The following SPAG1 variants were observed in gnomAD, a reference collection of about 807,000 sequenced individuals.
The protein encoded by SPAG1 is sperm-associated antigen 1.
In SPAG1, 69 loss-of-function variants were observed where a neutral mutation model predicts 100.5. The ratio of observed to expected loss-of-function variants is 0.69; its 90% confidence interval spans 0.57 to 0.84. SPAG1 has a LOEUF of 0.84. Among genes scored for constraint, SPAG1 ranks in the 40% least tolerant of loss-of-function variants. SPAG1 has a pLI of 0.00. For synonymous variants in SPAG1, 336 were observed against 411.6 expected (o/e 0.82, Z 2.22); for missense variants, 955 against 1,133.1 (o/e 0.84, Z 2.26).
chr8:100,174,361 T>C (rs1816011391), intron 3 of SPAG1, among the ~76,000 whole-genome samples: 1 of 152,170 alleles, frequency 6.6e-6, no homozygotes, highest in Non-Finnish European at 1.5e-5. Flanking sequence ...ATAAAGGTCT[T>C]TATCCTCGTC....
chr8:100,183,359 G>T lies in SPAG1; in HGVS notation c.427-16G>T, dbSNP rs28673878. Reference sequence around the variant, plus strand: ...ATATTAAATATGTCTCATAAAATATGATTTTATTCTTTTAGGAAAAATATT... The same window carrying T: ...ATATTAAATATGTCTCATAAAATATTATTTTATTCTTTTAGGAAAAATATT... On this transcript the variant is annotated splice_polypyrimidine_tract_variant and intron_variant, in intron 4 of 18. Coordinates refer to ENST00000388798, the MANE Select transcript of SPAG1 (RefSeq NM_003114.5). 7.2e-3 allele frequency: 7,935 copies of T among 1,101,794 alleles called. 418 individuals are homozygous for T. The African/African-American group carries it at 0.11, about 16-fold the overall frequency. The allele number at this position is 1,101,794 out of a possible 1,614,324, so 68.3% of individuals were successfully genotyped here.
chr8:100,201,168 T>C (rs1167093379), intron 10 of SPAG1, among the ~76,000 whole-genome samples: 1 of 152,070 alleles, frequency 6.6e-6, no homozygotes, highest in Non-Finnish European at 1.5e-5. Context: ...CAGACTGAAA[T>C]GCAGAGTGGC....
chr8:100,201,672 A>T (rs551928259), intron 10 of SPAG1, among the ~76,000 whole-genome samples: 4 of 152,022 alleles, frequency 2.6e-5, no homozygotes, highest in Admixed American at 2.0e-4. Flanking sequence ...ATCTCTCCAG[A>T]TCTCCTTTCA....
At chr8:100,177,964 T>C (rs1396251548) in intron 4 of SPAG1, 23 bp downstream of exon 4, 1 of 1,603,752 alleles carries the variant, frequency 6.2e-7, no homozygotes, top group South Asian at 1.1e-5. Flanking sequence ...GATATCTTTG[T>C]GGGTGGTAGC....
rs777999923 is a variant in SPAG1 at position 100,239,209 on chromosome 8, A to T, written c.2116-31A>T. On this transcript the variant is annotated intron_variant, in intron 16 of 18. Coordinates refer to ENST00000388798, the MANE Select transcript of SPAG1 (RefSeq NM_003114.5). The surrounding 1 kb of genome is among the most constrained non-coding windows in gnomAD (Gnocchi z 5.0). The stretch of plus-strand genomic sequence containing the variant: ...TTACTCTAGGCTCCTTCTATTTATG[A>T]AAGTTATTTTCTCTGTCTTCCTACT... 1.9e-5 allele frequency: 27 copies of T among 1,412,942 alleles called. No homozygotes were observed. The highest frequency in any genetic ancestry group is 9.5e-7 in the Non-Finnish European group (1 of 1,050,764). The allele number at this position is 1,412,942 out of a possible 1,614,324, so 87.5% of individuals were successfully genotyped here. A position where few individuals can be genotyped will look rare whatever the true frequency, so the allele number is the denominator to read the frequency against.
intron 14 of SPAG1, among the ~76,000 whole-genome samples, chr8:100,230,490 T>C (rs1360753006): frequency 6.6e-6 from 1 of 152,236 alleles, no homozygotes; most frequent in Non-Finnish European, 1.5e-5. Flanking sequence ...TATAGTCACC[T>C]GAGCCCTGTT....
In SPAG1 at chr8:100,213,391, C is replaced by CAA; in HGVS notation, c.1399_1400dup (p.Tyr468SerfsTer20). 1.4e-6 allele frequency: 2 copies of CAA among 1,450,170 alleles called. No individual in the cohort carries two copies. Among genetic ancestry groups the CAA allele is most frequent in the Non-Finnish European group, 1.8e-6 (2 of 1,099,962 alleles). 89.8% of individuals were successfully genotyped at this position (1,450,170 alleles called of 1,614,324 possible). On this transcript the variant is annotated frameshift_variant, in exon 11 of 19. Transcript: ENST00000388798. LOFTEE classifies it high-confidence loss of function. ...GCGGGCAGTTCGCCGAGGCGGCCGGCAAGTACTCGGCGGCAATCGCGCTCC... is the reference window on the plus strand; with the variant it reads ...GCGGGCAGTTCGCCGAGGCGGCCGGCAAAAGTACTCGGCGGCAATCGCGCTCC...
intron 10 of SPAG1, chr8:100,194,536 T>G: frequency 3.6e-6 from 2 of 559,896 alleles, no homozygotes; most frequent in Non-Finnish European, 6.3e-6. Flanking sequence ...TGTGTTTATT[T>G]GACACAGACC....
chr8:100,177,198 A>G (rs1034042894), intron 3 of SPAG1, among the ~76,000 whole-genome samples: 14 of 152,278 alleles, frequency 9.2e-5, no homozygotes, highest in African/African-American at 3.4e-4. Context: ...CATCATAAAA[A>G]TATGTGAGAA....
At chr8:100,168,646 A>AG (rs1815672643) in intron 3 of SPAG1, among the ~76,000 whole-genome samples, 3 of 138,548 alleles carry the variant, frequency 2.2e-5, no homozygotes, top group Admixed American at 1.5e-4. Context: ...TTGGCCCCTC[A>AG]AAGTACTGGG....
chr8:100,177,981 G>A, intron 4 of SPAG1, 40 bp downstream of exon 4: 1 of 1,572,484 alleles, frequency 6.4e-7, no homozygotes, highest in Non-Finnish European at 8.7e-7. Flanking sequence ...TAGCAGGAGA[G>A]GATTGCTGCT....
In SPAG1 at chr8:100,233,669, C is replaced by G. The variant is rs1000443509; in HGVS notation, c.2115+132C>G. 4.5e-6 allele frequency: 4 copies of G among 887,352 alleles called. No individual in the cohort carries two copies. The African/African-American group carries it at 5.1e-5, about 11-fold the overall frequency. 55.0% of individuals were successfully genotyped at this position (887,352 alleles called of 1,614,324 possible). A position where few individuals can be genotyped will look rare whatever the true frequency, so the allele number is the denominator to read the frequency against. Reference sequence around the variant, plus strand: ...GATTTAATCCTAGAACTGTACTAACCAGTTCTAAAACCTTGATAGAGGCCT... The same window carrying G: ...GATTTAATCCTAGAACTGTACTAACGAGTTCTAAAACCTTGATAGAGGCCT... On this transcript the variant is annotated intron_variant, in intron 16 of 18. Transcript: ENST00000388798.
intron 14 of SPAG1, among the ~76,000 whole-genome samples, chr8:100,226,879 A>C (rs1020018459): frequency 1.8e-4 from 28 of 152,216 alleles, no homozygotes; most frequent in Non-Finnish European, 1.5e-4. Context: ...CAGTGATCCC[A>C]TAAGATTATA....
chr8:100,212,115 C>T (rs1014470174), intron 10 of SPAG1, among the ~76,000 whole-genome samples: 2 of 152,224 alleles, frequency 1.3e-5, no homozygotes, highest in African/African-American at 4.8e-5. Flanking sequence ...TGTTATTCTG[C>T]TGTATAGAAA....
intron 3 of SPAG1, among the ~76,000 whole-genome samples, chr8:100,167,375 A>G (rs1476341740): frequency 6.6e-6 from 1 of 152,214 alleles, no homozygotes; most frequent in African/African-American, 2.4e-5. Flanking sequence ...ATGCATATCT[A>G]TGATAAAGTT....
At chr8:100,224,378 C>A (rs1818412729) in intron 13 of SPAG1, among the ~76,000 whole-genome samples, 3 of 152,098 alleles carry the variant, frequency 2.0e-5, no homozygotes, top group African/African-American at 7.2e-5. Flanking sequence ...CCCGTCTCTA[C>A]TAAAAATACT....
chr8:100,203,185 C>T (rs1817362513), intron 10 of SPAG1, among the ~76,000 whole-genome samples: 1 of 152,184 alleles, frequency 6.6e-6, no homozygotes, highest in Non-Finnish European at 1.5e-5. Flanking sequence ...ACATCTTTCT[C>T]CCGTGCTGGG....
At chr8:100,165,231 C>G (rs942142988) in intron 2 of SPAG1, 8 of 517,340 alleles carry the variant, frequency 1.5e-5, no homozygotes, top group Non-Finnish European at 3.2e-5. Context: ...TTAACAACTT[C>G]CATCACGACT....
In SPAG1 at chr8:100,239,516, A is replaced by G; in HGVS notation, c.2280+112A>G. The G allele has an allele frequency of 1.4e-6, 1 of 710,096 alleles. No individual in the cohort carries two copies. Among genetic ancestry groups the G allele is most frequent in the Non-Finnish European group, 2.4e-6 (1 of 421,182 alleles). The allele number at this position is 710,096 out of a possible 1,614,324, so 44.0% of individuals were successfully genotyped here. ...TTTTTAATTTTGTGTTTTTATTCTGATGATCAGTGACAAAATTTTAACCAG... is the reference window on the plus strand; with the variant it reads ...TTTTTAATTTTGTGTTTTTATTCTGGTGATCAGTGACAAAATTTTAACCAG... On this transcript the variant is annotated intron_variant, in intron 17 of 18. Transcript: ENST00000388798. This position sits in a 1 kb window ranked among gnomAD's most constrained non-coding sequence, Gnocchi z 5.0.
Sources: allele counts gnomAD v4.1 joint callset (sites outside exome capture counted in the v4.1 genomes callset), GRCh38; gene constraint gnomAD v4.1.1; non-coding constraint Gnocchi (gnomAD v3.1); transcripts MANE v1.5; gene names NCBI Gene and HGNC (gene_info 2026-07-23, HGNC 2026-07-21).